FNIP2: variants seen among roughly 807,000 people sequenced by gnomAD.
FNIP2 encodes folliculin interacting protein 2.
FNIP2 carries 32 observed loss-of-function variants against 108.7 expected under a neutral mutation model. The ratio of observed to expected loss-of-function variants is 0.29; its 90% CI spans 0.22 to 0.40. The LOEUF is 0.40. Ranked by LOEUF, FNIP2 falls within the 10% of genes least tolerant of loss-of-function variation. The pLI, the probability that FNIP2 is intolerant of heterozygous loss-of-function variation, is 1.00. For missense variants in FNIP2, 1,202 were observed against 1,381.6 expected (o/e 0.87, Z 2.06); for synonymous variants, 480 against 496.7 (o/e 0.97, Z 0.45).
At chr4:158,822,440 C>T (rs1777937228) in intron 1 of FNIP2, among the ~76,000 whole-genome samples, 1 of 152,102 alleles carries the variant, frequency 6.6e-6, no homozygotes, top group Admixed American at 6.5e-5. Flanking sequence ...CTCCCAAAGT[C>T]CTGGGATTAC....
intron 7 of FNIP2, among the ~76,000 whole-genome samples, chr4:158,850,164 G>C (rs1387089825): frequency 1.3e-5 from 2 of 152,162 alleles, no homozygotes; most frequent in East Asian, 3.9e-4. Context: ...TTCATGTGGA[G>C]ACACTGCTTT....
intron 15 of FNIP2, chr4:158,893,809 G>T: frequency 1.2e-6 from 1 of 812,908 alleles, no homozygotes. Flanking sequence ...CATACGTCTT[G>T]TCACAGTTGA....
intron 1 of FNIP2, among the ~76,000 whole-genome samples, chr4:158,811,513 C>T (rs1261256488): frequency 6.6e-6 from 1 of 151,896 alleles, no homozygotes; most frequent in East Asian, 1.9e-4. Flanking sequence ...TCTTTGGGCA[C>T]ATCATTTCAT....
At chr4:158,894,442 G>T (rs909715188) in intron 15 of FNIP2, among the ~76,000 whole-genome samples, 1 of 152,046 alleles carries the variant, frequency 6.6e-6, no homozygotes, top group African/African-American at 2.4e-5. Context: ...AAAGTGCTAG[G>T]ATTACATGCG....
At chr4:158,829,995 T>C (rs1037379068) in intron 3 of FNIP2, among the ~76,000 whole-genome samples, 2 of 152,138 alleles carry the variant, frequency 1.3e-5, no homozygotes, top group African/African-American at 2.4e-5. Context: ...TGAGACACAG[T>C]GCTCCAGGGT....
chr4:158,788,469 C>A (rs545675725), intron 1 of FNIP2, among the ~76,000 whole-genome samples: 8 of 152,326 alleles, frequency 5.3e-5, no homozygotes, highest in Admixed American at 2.0e-4. Flanking sequence ...TTAACCTCCA[C>A]TTTTCTTTCT....
chr4:158,826,188 TCC>T, intron 2 of FNIP2, 146 bp downstream of exon 2: 1 of 1,180,468 alleles, frequency 8.5e-7, no homozygotes, highest in Admixed American at 2.6e-5. Context: ...AAGCATTGAA[TCC>T]TTTAATCAAA....
At chr4:158,858,238 T>A (rs1239868829) in intron 8 of FNIP2, among the ~76,000 whole-genome samples, 3 of 152,200 alleles carry the variant, frequency 2.0e-5, no homozygotes, top group African/African-American at 7.2e-5. Context: ...GTATCGCCAG[T>A]CTAGGGCTCT....
At chr4:158,883,288 C>T (rs1035846943) in intron 14 of FNIP2, among the ~76,000 whole-genome samples, 1 of 152,088 alleles carries the variant, frequency 6.6e-6, no homozygotes, top group African/African-American at 2.4e-5. Context: ...GTCGTCCAGG[C>T]TGGAGTGCAG....
At chr4:158,891,839 A>G (rs1782295780) in intron 15 of FNIP2, among the ~76,000 whole-genome samples, 193 bp downstream of exon 15, 1 of 152,244 alleles carries the variant, frequency 6.6e-6, no homozygotes, top group Non-Finnish European at 1.5e-5. Context: ...CGTGAAACAA[A>G]TAACAAGGAG....
chr4:158,880,584 G>A (rs1359042116), intron 14 of FNIP2, among the ~76,000 whole-genome samples: 3 of 152,148 alleles, frequency 2.0e-5, no homozygotes, highest in Non-Finnish European at 4.4e-5. Context: ...AGAACTTAAA[G>A]TATAATAATA....
intron 2 of FNIP2, 142 bp downstream of exon 2, chr4:158,826,184 TGAA>T: frequency 8.3e-7 from 1 of 1,210,660 alleles, no homozygotes; most frequent in Admixed American, 2.5e-5. Context: ...AAGCAAGCAT[TGAA>T]TCCTTTAATC....
At position 158,864,511 on chromosome 4, in the gene FNIP2, TAAG is replaced by T. The variant is rs1437959435; in HGVS notation, c.1465+2737_1465+2739del. On this transcript the variant is annotated intron_variant, in intron 12 of 16. Coordinates refer to ENST00000264433, the MANE Select transcript of FNIP2 (RefSeq NM_020840.3). ...ATGTGATCAGGAATAAGTGTGCCTT[TAAG>T]ATACTAAACTCTCTTCTCGTCTCCT... 3.3e-5 allele frequency among the ~76,000 whole-genome samples: 5 copies of T among 152,362 alleles called. No homozygotes were observed. The East Asian group carries it at 9.6e-4, about 29-fold the overall frequency.
At chr4:158,814,346 G>A (rs145058430) in intron 1 of FNIP2, among the ~76,000 whole-genome samples, 24 of 152,218 alleles carry the variant, frequency 1.6e-4, no homozygotes, top group Admixed American at 2.6e-4. Context: ...CCTAACTTCC[G>A]TGTAAAACGT....
chr4:158,829,046 A>T, intron 2 of FNIP2, 33 bp from the exon 3 acceptor site: 1 of 1,536,378 alleles, frequency 6.5e-7, no homozygotes, highest in Non-Finnish European at 8.8e-7. Flanking sequence ...TATACTTAGT[A>T]ATCTTTTACC....
rs1431302734 is a variant in FNIP2 at position 158,861,158 on chromosome 4, C to CA, written c.1149-177dup. Among the ~76,000 whole-genome samples the CA allele has an allele frequency of 9.9e-5, 15 of 152,256 alleles. 1 individual carries two copies. In the East Asian group the frequency reaches 2.9e-3, roughly 29 times the overall value. Reference sequence around the variant, plus strand: ...GTGACCCAGTAAAACTTTTTATTTACAAAAAAAGGTGGCAGTCAGATTTGG... The same window carrying CA: ...GTGACCCAGTAAAACTTTTTATTTACAAAAAAAAGGTGGCAGTCAGATTTGG... On this transcript the variant is annotated intron_variant, in intron 10 of 16. Transcript: ENST00000264433.
At chr4:158,888,890 AAAGT>A (rs1475607923) in intron 14 of FNIP2, among the ~76,000 whole-genome samples, 1 of 151,904 alleles carries the variant, frequency 6.6e-6, no homozygotes, top group East Asian at 1.9e-4. Flanking sequence ...AAAAAAAAAA[AAAGT>A]AAGAAACTTT....
chr4:158,876,555 C>T (rs893898539), intron 14 of FNIP2, among the ~76,000 whole-genome samples: 1 of 152,238 alleles, frequency 6.6e-6, no homozygotes, highest in Non-Finnish European at 1.5e-5. Context: ...AGACCCATTT[C>T]ATATGTTGCC....
chr4:158,868,983 C>T lies in FNIP2; in HGVS notation c.2347C>T (p.Leu783Phe). The T allele has an allele frequency of 6.2e-7, 1 of 1,613,944 alleles. No homozygotes were observed. The highest frequency in any genetic ancestry group is 8.5e-7 in the Non-Finnish European group (1 of 1,179,886). ...GAATGTTTGCTGTCCTCAGAATCGG[C>T]TTTCAGAGGGGGATGAAGGCGAGTC... The part of the protein sequence containing the change: ...QENVCCPQNR[L>F]SEGDEGESDK... The change falls in exon 13 of 17, where the codon CTT becomes TTT. Residue 783 changes from leucine to phenylalanine, a missense_variant. Transcript: ENST00000264433. This position sits in a 1 kb window ranked among gnomAD's most constrained non-coding sequence, Gnocchi z 4.6.
Sources: allele counts gnomAD v4.1 joint callset (sites outside exome capture counted in the v4.1 genomes callset), GRCh38; gene constraint gnomAD v4.1.1; non-coding constraint Gnocchi (gnomAD v3.1); transcripts MANE v1.5; gene names NCBI Gene and HGNC (gene_info 2026-07-23, HGNC 2026-07-21).